Variants in TOX observed in about 807,000 individuals in gnomAD.
TOX encodes the protein thymocyte selection-associated high mobility group box protein TOX.
TOX carries 11 observed loss-of-function variants against 53.7 expected under a neutral mutation model. That is an observed-to-expected ratio of 0.20 (90% CI 0.13 to 0.34). The LOEUF (loss-of-function observed/expected upper bound fraction) is 0.34, where lower values mean the gene tolerates loss of function less well. TOX is among the 10% of genes least tolerant of loss of function. The pLI is 1.00. For synonymous variants in TOX, 225 were observed against 245.3 expected (o/e 0.92, Z 0.77); for missense variants, 570 against 664.6 (o/e 0.86, Z 1.56).
chr8:59,029,596 T>C (rs902927469), intron 1 of TOX, among the ~76,000 whole-genome samples: 3 of 152,110 alleles, frequency 2.0e-5, no homozygotes, highest in African/African-American at 7.2e-5. Flanking sequence ...GGAAGAGAAA[T>C]GGAGAAAATG....
At chr8:58,998,450 C>T in intron 1 of TOX, among the ~76,000 whole-genome samples, 1 of 137,010 alleles carries the variant, frequency 7.3e-6, no homozygotes, top group African/African-American at 2.8e-5. Context: ...GATCATGCCA[C>T]TGCACTCCAG....
At chr8:58,893,925 A>C (rs1260594495) in intron 3 of TOX, among the ~76,000 whole-genome samples, 1 of 152,206 alleles carries the variant, frequency 6.6e-6, no homozygotes. Flanking sequence ...TCAGTAGTAG[A>C]CAGGAAGGCA....
chr8:58,963,028 C>T (rs80010769), intron 1 of TOX, among the ~76,000 whole-genome samples: 7 of 152,286 alleles, frequency 4.6e-5, no homozygotes, highest in African/African-American at 1.4e-4. Flanking sequence ...TAGTTGAAGG[C>T]TTGACTAGAA....
At position 58,851,531 on chromosome 8, in the gene TOX, GTATCA is replaced by G; in HGVS notation, c.681_685del (p.Asp228LeufsTer2). The G allele has an allele frequency of 6.2e-7, 1 of 1,612,666 alleles. No individual in the cohort carries two copies. Among genetic ancestry groups the G allele is most frequent in the Non-Finnish European group, 8.5e-7 (1 of 1,179,574 alleles). ...AAAATAACTTATTCATACCTTAGAGGTATCATCGCCTTCATCTTCATGCACTGAAC... is the reference window on the plus strand; with the variant it reads ...AAAATAACTTATTCATACCTTAGAGGTCGCCTTCATCTTCATGCACTGAAC... On this transcript the variant is annotated frameshift_variant, in exon 4 of 9. Coordinates refer to ENST00000361421, the MANE Select transcript of TOX (RefSeq NM_014729.3). LOFTEE classifies it high-confidence loss of function. This position sits in a 1 kb window ranked among gnomAD's most constrained non-coding sequence, Gnocchi z 4.4.
chr8:59,053,212 C>T (rs916257930), intron 1 of TOX, among the ~76,000 whole-genome samples: 5 of 152,180 alleles, frequency 3.3e-5, no homozygotes, highest in African/African-American at 1.2e-4. Context: ...CAAAATAACA[C>T]CATTTTACTC....
At chr8:58,858,523 C>T (rs1267235513) in intron 3 of TOX, among the ~76,000 whole-genome samples, 2 of 152,224 alleles carry the variant, frequency 1.3e-5, no homozygotes, top group Non-Finnish European at 2.9e-5. Context: ...AGCCCTGAGG[C>T]CTTATTTGCT....
chr8:58,957,933 CA>C (rs1411529366), intron 2 of TOX, among the ~76,000 whole-genome samples: 1 of 151,938 alleles, frequency 6.6e-6, no homozygotes, highest in Non-Finnish European at 1.5e-5. Flanking sequence ...TTACAGTAAA[CA>C]AAAGGAATGT....
intron 1 of TOX, among the ~76,000 whole-genome samples, chr8:59,107,056 G>C (rs537120469): frequency 2.4e-5 from 3 of 126,660 alleles, no homozygotes; most frequent in East Asian, 2.5e-4. Context: ...TGGGGGGGGG[G>C]GGAACGTGAC....
intron 1 of TOX, among the ~76,000 whole-genome samples, chr8:59,027,569 C>G (rs1336301597): frequency 1.3e-5 from 2 of 152,024 alleles, no homozygotes; most frequent in Non-Finnish European, 2.9e-5. Context: ...CTTTCTAAAA[C>G]ATTCTTGATT....
intron 3 of TOX, among the ~76,000 whole-genome samples, chr8:58,898,720 C>T (rs1340262996): frequency 6.6e-6 from 1 of 152,170 alleles, no homozygotes; most frequent in African/African-American, 2.4e-5. Flanking sequence ...GAGTTGCATG[C>T]TTCCTTTGCA....
At chr8:58,808,644 C>T (rs568383259) in intron 7 of TOX, among the ~76,000 whole-genome samples, 1 of 152,258 alleles carries the variant, frequency 6.6e-6, no homozygotes, top group South Asian at 2.1e-4. Context: ...ATAGTTAATC[C>T]CCAGAATATG....
intron 1 of TOX, among the ~76,000 whole-genome samples, chr8:58,975,271 C>CAGAGAG (rs373607496): frequency 6.7e-6 from 1 of 149,020 alleles, no homozygotes; most frequent in Non-Finnish European, 1.5e-5. Flanking sequence ...CACCCCCACA[C>CAGAGAG]AGAGAGAGAG....
chr8:58,872,262 T>C (rs553309557), intron 3 of TOX, among the ~76,000 whole-genome samples: 1 of 152,026 alleles, frequency 6.6e-6, no homozygotes, highest in African/African-American at 2.4e-5. Flanking sequence ...TAAAAATAAA[T>C]ACCCATGAGC....
intron 2 of TOX, among the ~76,000 whole-genome samples, chr8:58,941,006 C>T (rs1446304119): frequency 6.6e-6 from 1 of 152,124 alleles, no homozygotes; most frequent in African/African-American, 2.4e-5. Flanking sequence ...AAAAATTTGA[C>T]TGTTATATGC....
chr8:58,889,678 T>A (rs1290480699), intron 3 of TOX, among the ~76,000 whole-genome samples: 1 of 152,194 alleles, frequency 6.6e-6, no homozygotes, highest in African/African-American at 2.4e-5. Context: ...TGTCTTCAAA[T>A]AAGATTTTAC....
At chr8:59,012,516 C>T (rs551004140) in intron 1 of TOX, among the ~76,000 whole-genome samples, 1 of 151,844 alleles carries the variant, frequency 6.6e-6, no homozygotes, top group Admixed American at 6.6e-5. Flanking sequence ...CCCCATACCT[C>T]ACATGAGATC....
At chr8:58,837,960 G>A in intron 5 of TOX, 121 bp downstream of exon 5, 1 of 842,904 alleles carries the variant, frequency 1.2e-6, no homozygotes, top group Non-Finnish European at 1.8e-6. Context: ...GTTCGGATGG[G>A]GACACCTTCT....
intron 3 of TOX, among the ~76,000 whole-genome samples, chr8:58,910,507 T>C (rs914532175): frequency 2.6e-5 from 4 of 152,232 alleles, no homozygotes; most frequent in African/African-American, 9.6e-5. Context: ...CGGCCATGTA[T>C]GCAATGGATA....
At chr8:58,870,163 CTATGTAGAAAATCCCAAAGA>C (rs2129169910) in intron 3 of TOX, among the ~76,000 whole-genome samples, 1 of 151,982 alleles carries the variant, frequency 6.6e-6, no homozygotes, top group Admixed American at 6.5e-5. Context: ...ACATAATTGT[CTATGTAGAAAATCCCAAAGA>C]ATTAAAAAAA....
Sources: gnomAD v4.1 joint callset for allele counts (sites outside exome capture counted in the v4.1 genomes callset) on GRCh38, gnomAD v4.1.1 for gene constraint, Gnocchi (gnomAD v3.1) non-coding constraint, MANE v1.5 for transcripts, NCBI Gene and HGNC (gene_info 2026-07-23, HGNC 2026-07-21) for gene names.